The following LYST variants were observed in gnomAD, a reference collection of about 807,000 sequenced individuals.
LYST encodes the protein lysosomal trafficking regulator.
Under a neutral mutation model 413.6 loss-of-function variants are expected in LYST, and 192 were observed. The observed-to-expected ratio is 0.46, with a 90% CI of 0.41 to 0.52. The LOEUF (loss-of-function observed/expected upper bound fraction) is 0.52. Among genes scored for constraint, LYST ranks in the 20% least tolerant of loss-of-function variants. LYST has a pLI of 0.00. For synonymous variants in LYST, 1,525 were observed against 1,567.3 expected (o/e 0.97, Z 0.64); for missense variants, 3,815 against 4,499.9 (o/e 0.85, Z 4.35).
chr1:235,758,818 ATCTT>A (rs1270347691), intron 23 of LYST, among the ~76,000 whole-genome samples, 150 bp downstream of exon 23: 1 of 152,230 alleles, frequency 6.6e-6, no homozygotes, highest in Non-Finnish European at 1.5e-5. Context: ...GGAAAAATAT[ATCTT>A]TCTGTTTGTT....
chr1:235,664,014 G>A lies in LYST; in HGVS notation c.11237C>T (p.Thr3746Ile). ...TWDLKPVREI[T>I]FPKSNKPIIS... ...GATGGGCTTATTTGATTTGGGAAAT[G>A]TAATTTCTCTCACAGGCTTTAAGTC... is the stretch of plus-strand genomic sequence containing the variant. Residue 3746 changes from threonine (T) to isoleucine (I), a missense_variant, in exon 52 of 53, where the codon ACA (threonine) becomes ATA (isoleucine). Physicochemically the swap from Thr to Ile is moderately conservative, Grantham distance 89. Around this residue, in one of 4 missense-constraint regions of LYST, gnomAD observed 866 missense variants for 1,156.0 expected, o/e 0.75. Transcript: ENST00000389793. The surrounding 1 kb of genome is among the most constrained non-coding windows in gnomAD (Gnocchi z 4.5). 1.2e-6 allele frequency: 2 copies of A among 1,613,400 alleles called. No individual in the cohort carries two copies.
intron 29 of LYST, among the ~76,000 whole-genome samples, chr1:235,744,940 T>TA (rs772380539): frequency 4.6e-5 from 7 of 151,624 alleles, no homozygotes; most frequent in African/African-American, 1.2e-4. Flanking sequence ...TAAAAAAAGC[T>TA]AAAAAAATAA....
chr1:235,715,331 T>A lies in LYST; in HGVS notation c.9654A>T (p.Gly3218=), dbSNP rs1329595224. ...YKYLEEEYRK[G]AREDDPMPPV... is the part of the protein sequence containing the mutation. ...GAGGCATGGGGTCATCTTCTCTGGC[T>A]CCTTTGCGGTACTCTTCCTCCAAGT... Residue 3218 remains glycine, a synonymous_variant, in exon 42 of 53, where the codon GGA becomes GGT. Transcript: ENST00000389793. 1.2e-6 allele frequency: 2 copies of A among 1,613,946 alleles called. No homozygotes were observed. The highest frequency in any genetic ancestry group is 1.7e-6 in the Non-Finnish European group (2 of 1,179,918).
chr1:235,738,757 G>C, intron 31 of LYST: 1 of 1,276,994 alleles, frequency 7.8e-7, no homozygotes, highest in Non-Finnish European at 1.1e-6. Flanking sequence ...TGGGCCATTG[G>C]ACTCTCTGTG....
At chr1:235,848,402 A>G (rs531186594) in intron 1 of LYST, among the ~76,000 whole-genome samples, 8 of 152,176 alleles carry the variant, frequency 5.3e-5, no homozygotes, top group Non-Finnish European at 1.0e-4. Flanking sequence ...AGGAAAGTTC[A>G]CAGTCCTAAA....
At chr1:235,873,213 T>C (rs58461632) in intron 1 of LYST, among the ~76,000 whole-genome samples, 1,904 of 152,286 alleles carry the variant, frequency 0.013, 35 homozygotes, top group African/African-American at 0.043. Flanking sequence ...AGATGACCTT[T>C]CCAACCAACT....
Position 235,773,916 on chromosome 1 carries a change from A to C in LYST, c.5710T>G (p.Ser1904Ala), listed in dbSNP as rs771658183. 2 of 1,604,982 alleles carry C rather than the reference A, an allele frequency of 1.2e-6. No homozygotes were observed. Among genetic ancestry groups the C allele is most frequent in the Non-Finnish European group, 1.7e-6 (2 of 1,171,790 alleles). ...TTAACATCTTGGATTATAGCATTAG[A>C]GTCTACATCCAACTTAAACTCTCCA... ...ENGEFKLDVD[S>A]NAIIQDVKLL... The change falls in exon 19 of 53, where the codon TCT becomes GCT. Residue 1904 changes from serine to alanine, a missense_variant. Coordinates refer to ENST00000389793, the MANE Select transcript of LYST (RefSeq NM_000081.4).
intron 3 of LYST, among the ~76,000 whole-genome samples, chr1:235,827,106 G>A (rs2102982015): frequency 6.6e-6 from 1 of 151,886 alleles, no homozygotes; most frequent in African/African-American, 2.4e-5. Flanking sequence ...GCTCACACCT[G>A]TAATCCTAGC....
chr1:235,867,363 G>T (rs530411966), upstream of LYST, among the ~76,000 whole-genome samples: 1 of 151,924 alleles, frequency 6.6e-6, no homozygotes, highest in African/African-American at 2.4e-5. Context: ...GAAGATAGAA[G>T]AAATAACGGG....
chr1:235,857,744 CACACACA>C (rs1468414107), intron 1 of LYST, among the ~76,000 whole-genome samples: 4 of 26,062 alleles, frequency 1.5e-4, no homozygotes, highest in Non-Finnish European at 2.6e-4. Context: ...TATGTAAATA[CACACACA>C]CACACACACA....
intron 11 of LYST, 74 bp downstream of exon 11, chr1:235,793,429 A>C (rs1671224631): frequency 1.3e-6 from 1 of 743,872 alleles, no homozygotes; most frequent in Middle Eastern, 3.8e-4. Flanking sequence ...CTAAATAATT[A>C]AAAATACATT....
chr1:235,709,016 T>C (rs1662200115), intron 44 of LYST, 75 bp downstream of exon 44: 2 of 1,326,126 alleles, frequency 1.5e-6, no homozygotes, highest in East Asian at 2.3e-5. Flanking sequence ...TTTAAAGGAA[T>C]GGCCGAACAA....
At chr1:235,842,955 C>T (rs972585472) in intron 1 of LYST, among the ~76,000 whole-genome samples, 4 of 152,164 alleles carry the variant, frequency 2.6e-5, no homozygotes, top group African/African-American at 7.2e-5. Context: ...CTACTACACC[C>T]GCCCCTCACA....
chr1:235,800,455 T>C (rs1251083449), intron 9 of LYST, 69 bp from the exon 10 acceptor site: 1 of 864,474 alleles, frequency 1.2e-6, no homozygotes, highest in Non-Finnish European at 2.0e-6. Flanking sequence ...TGCAATGTCA[T>C]AATAAATTCT....
intron 12 of LYST, among the ~76,000 whole-genome samples, chr1:235,790,904 G>A (rs550031524): frequency 6.6e-6 from 1 of 152,214 alleles, no homozygotes; most frequent in African/African-American, 2.4e-5. Flanking sequence ...GGTAAGACAT[G>A]GCATGAGAAG....
At chr1:235,845,652 C>T (rs1008910063) in intron 1 of LYST, among the ~76,000 whole-genome samples, 3 of 151,762 alleles carry the variant, frequency 2.0e-5, no homozygotes, top group South Asian at 2.1e-4. Context: ...AGGGGGGACA[C>T]GGTGGGAGTG....
Position 235,757,405 on chromosome 1 carries a change from C to T in LYST, c.6935G>A (p.Ser2312Asn). ...ATCAGGCAGGATAAGAAGAACCCCA[C>T]TTAGGAGTTCATATAATCCACAGCA... is the stretch of plus-strand genomic sequence containing the variant. ...PICCGLYELL[S>N]GVLLILPDVL... Residue 2312 changes from serine (S) to asparagine (N), a missense_variant, in exon 24 of 53, where the codon AGT becomes AAT. This residue lies in a region of LYST where 771 missense variants were observed against 837.1 expected (regional missense o/e 0.92). Transcript: ENST00000389793. The T allele has an allele frequency of 6.2e-7, 1 of 1,613,400 alleles. No homozygotes were observed.
intron 1 of LYST, among the ~76,000 whole-genome samples, chr1:235,872,579 G>T (rs185039640): frequency 2.2e-4 from 33 of 152,318 alleles, no homozygotes; most frequent in African/African-American, 7.9e-4. Flanking sequence ...TTATGACCTA[G>T]AATCATCCAA....
chr1:235,838,979 C>T (rs1017287344), intron 1 of LYST, among the ~76,000 whole-genome samples: 41 of 152,136 alleles, frequency 2.7e-4, no homozygotes, highest in African/African-American at 8.2e-4. Context: ...GCCCTATCCC[C>T]CACCCCTGCG....
Sources: allele counts gnomAD v4.1 joint callset (sites outside exome capture counted in the v4.1 genomes callset), GRCh38; gene constraint gnomAD v4.1.1; regional missense constraint gnomAD v4.1.1; non-coding constraint Gnocchi (gnomAD v3.1); transcripts MANE v1.5; gene names NCBI Gene and HGNC (gene_info 2026-07-23, HGNC 2026-07-21).